The following KCNT2 variants were observed in gnomAD, a reference collection of about 807,000 sequenced individuals.
KCNT2 encodes the protein potassium channel subfamily T member 2.
A neutral mutation model predicts 153.8 loss-of-function variants in KCNT2; 67 were observed. The observed-to-expected ratio is 0.44, with a 90% CI of 0.36 to 0.53. The LOEUF (loss-of-function observed/expected upper bound fraction) is 0.53. Ranked by LOEUF, KCNT2 falls within the 20% of genes least tolerant of loss-of-function variation. The probability of loss-of-function intolerance (pLI) is 0.00; values close to 1 mark genes in which losing one functional copy is unlikely to be tolerated. For missense variants in KCNT2, 975 were observed against 1,354.8 expected (o/e 0.72, Z 4.40); for synonymous variants, 500 against 458.8 (o/e 1.09, Z -1.15).
chr1:196,242,947 C>A (rs114001449), intron 26 of KCNT2, among the ~76,000 whole-genome samples: 1,725 of 152,200 alleles, frequency 0.011, 18 homozygotes, highest in Non-Finnish European at 0.019. Context: ...AAGAAATTAA[C>A]TAATCCCAAG....
intron 22 of KCNT2, among the ~76,000 whole-genome samples, chr1:196,291,719 T>C (rs2147919913): frequency 6.6e-6 from 1 of 152,306 alleles, no homozygotes; most frequent in South Asian, 2.1e-4. Context: ...CTAAATTTAT[T>C]GAAGTTTAAT....
At chr1:196,585,869 C>T (rs1662616341) in intron 1 of KCNT2, among the ~76,000 whole-genome samples, 1 of 152,000 alleles carries the variant, frequency 6.6e-6, no homozygotes, top group Non-Finnish European at 1.5e-5. Flanking sequence ...TTTTATAGCC[C>T]ATCAGTTACA....
At chr1:196,249,745 A>T (rs1206836484) in intron 26 of KCNT2, among the ~76,000 whole-genome samples, 1 of 151,964 alleles carries the variant, frequency 6.6e-6, no homozygotes, top group African/African-American at 2.4e-5. Flanking sequence ...ACTGCACTCC[A>T]GCCTGGATGA....
chr1:196,316,468 G>A (rs1044515350), intron 20 of KCNT2, among the ~76,000 whole-genome samples: 4 of 151,546 alleles, frequency 2.6e-5, no homozygotes, highest in African/African-American at 9.7e-5. Flanking sequence ...AGATGGTCAA[G>A]CTTAACGAAA....
At chr1:196,454,983 C>G (rs1676532804) in intron 8 of KCNT2, among the ~76,000 whole-genome samples, 1 of 151,956 alleles carries the variant, frequency 6.6e-6, no homozygotes, top group Admixed American at 6.6e-5. Context: ...GACTAAAGTA[C>G]TGTTTCCTCC....
intron 23 of KCNT2, 36 bp from the exon 24 acceptor site, chr1:196,282,392 T>C (rs2477357): frequency 0.82 from 832,792 of 1,015,188 alleles, 348,481 homozygotes; most frequent in East Asian, 0.96. Context: ...TATAAATGTA[T>C]ATTTATATAT....
chr1:196,456,869 A>T (rs1676716761), intron 8 of KCNT2, among the ~76,000 whole-genome samples: 1 of 152,006 alleles, frequency 6.6e-6, no homozygotes, highest in African/African-American at 2.4e-5. Context: ...CCCTGGAGAC[A>T]GTAGGCATGA....
intron 1 of KCNT2, among the ~76,000 whole-genome samples, chr1:196,586,441 T>C (rs1662687715): frequency 6.6e-6 from 1 of 152,090 alleles, no homozygotes; most frequent in Non-Finnish European, 1.5e-5. Flanking sequence ...AATTCAATCA[T>C]TTTGGGGAAA....
chr1:196,273,393 A>T (rs912665315), intron 25 of KCNT2: 27 of 933,576 alleles, frequency 2.9e-5, no homozygotes, highest in Non-Finnish European at 4.0e-5. Context: ...AATATTTAAT[A>T]TTATTTTTCT....
At chr1:196,319,838 A>G (rs1407489195) in intron 19 of KCNT2, among the ~76,000 whole-genome samples, 1 of 151,832 alleles carries the variant, frequency 6.6e-6, no homozygotes, top group African/African-American at 2.4e-5. Context: ...GATATTCTTA[A>G]TTATGACCAA....
chr1:196,603,458 C>T (rs527831811), intron 1 of KCNT2, among the ~76,000 whole-genome samples: 10 of 152,010 alleles, frequency 6.6e-5, no homozygotes, highest in Admixed American at 2.6e-4. Flanking sequence ...CAATACAAAA[C>T]CCATTCTCAC....
chr1:196,379,465 G>A (rs180837576), intron 13 of KCNT2, among the ~76,000 whole-genome samples: 8 of 152,042 alleles, frequency 5.3e-5, no homozygotes, highest in Admixed American at 4.6e-4. Context: ...CCAGCTACTC[G>A]GGAGGCTGAG....
chr1:196,372,210 A>G (rs180851315), intron 14 of KCNT2, among the ~76,000 whole-genome samples: 1 of 152,090 alleles, frequency 6.6e-6, no homozygotes, highest in East Asian at 1.9e-4. Flanking sequence ...TAAGACAGTA[A>G]AATCTAATTT....
chr1:196,230,119 A>G (rs967034676), intron 27 of KCNT2, among the ~76,000 whole-genome samples: 1 of 152,074 alleles, frequency 6.6e-6, no homozygotes, highest in African/African-American at 2.4e-5. Context: ...GCCATCTAGT[A>G]CTTAAGTAGC....
intron 23 of KCNT2, among the ~76,000 whole-genome samples, chr1:196,283,949 G>A (rs999991508): frequency 6.6e-6 from 1 of 151,508 alleles, no homozygotes; most frequent in Non-Finnish European, 1.5e-5. Context: ...TAAGACTTTA[G>A]GCTGAGCACA....
intron 15 of KCNT2, among the ~76,000 whole-genome samples, chr1:196,341,012 T>C (rs1326529722): frequency 1.3e-5 from 2 of 151,830 alleles, no homozygotes; most frequent in Non-Finnish European, 2.9e-5. Context: ...TGGTTTACTT[T>C]AAATTTTAGA....
chr1:196,604,729 T>C (rs1217062281), intron 1 of KCNT2, among the ~76,000 whole-genome samples: 2 of 151,302 alleles, frequency 1.3e-5, no homozygotes, highest in East Asian at 3.9e-4. Context: ...ATATATATTA[T>C]TAATCACATA....
chr1:196,326,483 A>C (rs1663869920), intron 19 of KCNT2, among the ~76,000 whole-genome samples: 1 of 152,092 alleles, frequency 6.6e-6, no homozygotes. Flanking sequence ...CACTTGCAAA[A>C]CAGTTTTAAA....
chr1:196,587,013 CTTCTGCTGTGATGATTCTACT>C (rs1662770401), intron 1 of KCNT2, among the ~76,000 whole-genome samples: 2 of 152,032 alleles, frequency 1.3e-5, no homozygotes, highest in African/African-American at 4.8e-5. Flanking sequence ...GAGCAATAAA[CTTCTGCTGTGATGATTCTACT>C]TTCCTCAAAG....
Sources: allele counts gnomAD v4.1 joint callset (sites outside exome capture counted in the v4.1 genomes callset), GRCh38; gene constraint gnomAD v4.1.1; transcripts MANE v1.5; gene names NCBI Gene and HGNC (gene_info 2026-07-23, HGNC 2026-07-21).